Variants in UTY observed in about 807,000 individuals in gnomAD.
The protein encoded by UTY is ubiquitously transcribed tetratricopeptide repeat containing, Y-linked.
UTY carries 12 observed loss-of-function variants against 32.5 expected under a neutral mutation model. The observed-to-expected ratio is 0.37, with a 90% CI of 0.24 to 0.60. The LOEUF is 0.60. UTY is among the 20% of genes least tolerant of loss of function. The pLI, the probability that UTY is intolerant of heterozygous loss-of-function variation, is 0.69. For missense variants in UTY, 303 were observed against 299.2 expected (o/e 1.01, Z -0.09); for synonymous variants, 131 against 103.4 (o/e 1.27, Z -1.62).
chrY:13,336,432 A>G, intron 17 of UTY, 97 bp from the exon 18 acceptor site: 1 of 206,936 alleles, frequency 4.8e-6, no homozygotes, highest in Non-Finnish European at 7.7e-6. Context: ...GCCACCATAA[A>G]TAAACTAAAT....
chrY:13,391,256 A>G (rs2067534219), intron 8 of UTY, among the ~76,000 whole-genome samples: 1 of 33,729 alleles, frequency 3.0e-5, no homozygotes, highest in African/African-American at 1.2e-4. Flanking sequence ...CTCACTGAAT[A>G]ATTTTTTATA....
At chrY:13,247,838 A>T, downstream of UTY, among the ~76,000 whole-genome samples, 1 of 34,136 alleles carries the variant, frequency 2.9e-5, no homozygotes, top group African/African-American at 1.1e-4. Flanking sequence ...TAAAGAGTTA[A>T]GACATAAGAT....
intron 28 of UTY, 65 bp downstream of exon 28, chrY:13,260,213 G>C: frequency 2.8e-6 from 1 of 353,509 alleles, no homozygotes; most frequent in Non-Finnish European, 4.0e-6. Context: ...TTAAAATAAA[G>C]CAACAACAAT....
chrY:13,289,108 C>A (rs2057598718), intron 27 of UTY, among the ~76,000 whole-genome samples: 1 of 33,752 alleles, frequency 3.0e-5, no homozygotes. Context: ...TATATAAAAG[C>A]TTCATCGCTA....
intron 2 of UTY, among the ~76,000 whole-genome samples, chrY:13,471,562 G>A: frequency 3.0e-5 from 1 of 33,765 alleles, no homozygotes; most frequent in African/African-American, 1.2e-4. Flanking sequence ...CAAAAAAGAA[G>A]GGGTAATCGC....
chrY:13,383,939 G>A lies in UTY; in HGVS notation c.645+9920C>T, dbSNP rs770539215. Among the ~76,000 whole-genome samples, 32 of 33,712 alleles carry A rather than the reference G, an allele frequency of 9.5e-4. No individual in the cohort carries two copies. The South Asian group carries it at 0.02, about 22-fold the overall frequency. The allele number at this position is 33,712 out of a possible 37,273, so 90.4% of individuals were successfully genotyped here. ...AGGAAGTGAACCAACTTCTTGAGAG[G>A]CAATTTGCCAAAACTCACATAATCT... is the stretch of plus-strand genomic sequence containing the variant. On this transcript the variant is annotated intron_variant, in intron 8 of 29. Transcript: ENST00000545955.
chrY:13,331,572 G>T, intron 18 of UTY, among the ~76,000 whole-genome samples: 1 of 33,914 alleles, frequency 2.9e-5, no homozygotes, highest in African/African-American at 1.2e-4. Context: ...GCACAGAACT[G>T]GACAGAAAAT....
intron 5 of UTY, among the ~76,000 whole-genome samples, chrY:13,414,232 G>A (rs2071375444): frequency 9.0e-5 from 3 of 33,430 alleles, no homozygotes; most frequent in African/African-American, 3.5e-4. Flanking sequence ...TATACAAGAC[G>A]GTTAGTGAAT....
chrY:13,418,002 T>C (rs1039183530), intron 4 of UTY, among the ~76,000 whole-genome samples: 3 of 30,785 alleles, frequency 9.7e-5, no homozygotes, highest in Non-Finnish European at 1.6e-4. Flanking sequence ...GCCACGTTGA[T>C]GTGCTGCACC....
intron 28 of UTY, among the ~76,000 whole-genome samples, chrY:13,243,008 GAGA>G (rs2053919521): frequency 1.0e-3 from 34 of 32,766 alleles, no homozygotes; most frequent in Non-Finnish European, 1.8e-3. Flanking sequence ...AGGCTGAGGT[GAGA>G]AGATCACTTG....
chrY:13,475,673 A>G, intron 2 of UTY, among the ~76,000 whole-genome samples: 1 of 33,927 alleles, frequency 2.9e-5, no homozygotes, highest in East Asian at 7.7e-4. Flanking sequence ...TTGGCAATTT[A>G]AATAATATCA....
chrY:13,262,775 GCTGGTCTCAAACTCCTGAC>G (rs2055413512), intron 27 of UTY, among the ~76,000 whole-genome samples: 1 of 31,377 alleles, frequency 3.2e-5, no homozygotes, highest in African/African-American at 1.3e-4. Context: ...TGTTGGCCAG[GCTGGTCTCAAACTCCTGAC>G]CTCAGGTGAT....
intron 27 of UTY, among the ~76,000 whole-genome samples, chrY:13,282,470 G>T (rs2057074741): frequency 3.0e-5 from 1 of 33,592 alleles, no homozygotes; most frequent in Non-Finnish European, 7.4e-5. Context: ...TCATAACTTA[G>T]AAACTGATGT....
At chrY:13,271,645 C>G in intron 27 of UTY, among the ~76,000 whole-genome samples, 1 of 33,541 alleles carries the variant, frequency 3.0e-5, no homozygotes, top group Non-Finnish European at 7.4e-5. Flanking sequence ...AGAGTGTTAA[C>G]ATACATACAG....
intron 27 of UTY, among the ~76,000 whole-genome samples, chrY:13,277,152 T>C: frequency 2.9e-5 from 1 of 34,254 alleles, no homozygotes; most frequent in Non-Finnish European, 7.3e-5. Context: ...TTCTTAACCT[T>C]AATACAAGAG....
chrY:13,363,006 T>C (rs753203965), intron 10 of UTY, among the ~76,000 whole-genome samples: 10 of 31,907 alleles, frequency 3.1e-4, no homozygotes, highest in Admixed American at 1.1e-3. Context: ...TGGGTTCAGG[T>C]GATTCTCCCG....
intron 3 of UTY, among the ~76,000 whole-genome samples, chrY:13,459,835 T>C: frequency 3.0e-5 from 1 of 33,300 alleles, no homozygotes; most frequent in East Asian, 7.8e-4. Flanking sequence ...GGCAAGATCA[T>C]TGTTTTCCTT....
chrY:13,249,857 C>T lies in UTY; in HGVS notation c.4334G>A (p.Ter1445=). ...TCATTTAATATTCATGGAACTATAT[C>T]AAGATGAGGATGATAATGAAAGAGC... ...TLALSLSSSS[*] The change falls in exon 30 of 30, where the codon TGA becomes TAA. Residue 1445 remains the stop codon, a stop_retained_variant. Transcript: ENST00000545955. 3.5e-6 allele frequency: 1 copy of T among 283,230 alleles called. No individual in the cohort carries two copies. The allele number at this position is 283,230 out of a possible 400,897, so 70.6% of individuals were successfully genotyped here.
intron 8 of UTY, among the ~76,000 whole-genome samples, chrY:13,385,713 A>T: frequency 3.1e-5 from 1 of 32,774 alleles, no homozygotes; most frequent in Non-Finnish European, 7.5e-5. Flanking sequence ...AGCTAAAAAA[A>T]TTTTTTTCAA....
Sources: allele counts gnomAD v4.1 joint callset (sites outside exome capture counted in the v4.1 genomes callset), GRCh38; gene constraint gnomAD v4.1.1; transcripts MANE v1.5; gene names NCBI Gene and HGNC (gene_info 2026-07-23, HGNC 2026-07-21).